Variants in STYX observed in about 807,000 individuals in gnomAD.
The protein encoded by STYX is serine/threonine/tyrosine-interacting protein.
A neutral mutation model predicts 42.7 loss-of-function variants in STYX; 20 were observed. That is an observed-to-expected ratio of 0.47 (90% CI 0.33 to 0.68). The LOEUF (loss-of-function observed/expected upper bound fraction) is 0.68, where lower values mean the gene tolerates loss of function less well. Ranked by LOEUF, STYX falls within the 30% of genes least tolerant of loss-of-function variation. STYX has a pLI of 0.02. For missense variants in STYX, 226 were observed against 268.5 expected, an observed-to-expected ratio of 0.84 and a Z score of 1.11; for synonymous variants, 78 against 81.9, an observed-to-expected ratio of 0.95 and a Z score of 0.26.
chr14:52,765,678 G>A (rs1882275900), intron 9 of STYX, among the ~76,000 whole-genome samples: 1 of 152,300 alleles, frequency 6.6e-6, no homozygotes, highest in East Asian at 1.9e-4. Flanking sequence ...GGATGGGGTG[G>A]CGGGGGAGAT....
chr14:52,771,225 C>A lies in STYX; in HGVS notation c.*119C>A. 1 of 830,504 alleles carries A rather than the reference C, an allele frequency of 1.2e-6. No homozygotes were observed. Among genetic ancestry groups the A allele is most frequent in the South Asian group, 2.1e-5 (1 of 48,192 alleles). The allele number at this position is 830,504 out of a possible 1,614,324, so 51.4% of individuals were successfully genotyped here. On this transcript the variant is annotated 3_prime_UTR_variant, in exon 11 of 11. Coordinates refer to ENST00000354586, the MANE Select transcript of STYX (RefSeq NM_145251.4). ...TTTTTTTTTCAATTACATGTTGCTT[C>A]CAGACATACTTCTCTGCAACTTGTT... is the stretch of plus-strand genomic sequence containing the variant.
intron 8 of STYX, among the ~76,000 whole-genome samples, chr14:52,759,156 T>C (rs1881993820): frequency 6.6e-6 from 1 of 152,184 alleles, no homozygotes; most frequent in Admixed American, 6.5e-5. Context: ...AGGGTCTTCC[T>C]TTGTTTCTCA....
chr14:52,766,604 G>A (rs1043677907), intron 9 of STYX, among the ~76,000 whole-genome samples: 3 of 152,118 alleles, frequency 2.0e-5, no homozygotes, highest in African/African-American at 7.2e-5. Flanking sequence ...CACTATATCC[G>A]GCCAAGATGT....
chr14:52,754,888 AG>A (rs938206563), intron 4 of STYX, among the ~76,000 whole-genome samples: 2 of 152,190 alleles, frequency 1.3e-5, no homozygotes, highest in African/African-American at 4.8e-5. Context: ...TTACAATACT[AG>A]CTTCTTAGAG....
At chr14:52,762,857 C>G (rs1462350232) in intron 9 of STYX, among the ~76,000 whole-genome samples, 1 of 61,008 alleles carries the variant, frequency 1.6e-5, no homozygotes, top group African/African-American at 5.8e-5. Context: ...TTGATTTTTT[C>G]TTTTCTTTCT....
intron 4 of STYX, among the ~76,000 whole-genome samples, chr14:52,753,892 ATTTTTTTTTTTTTT>A (rs56734068): frequency 1.3e-5 from 1 of 77,234 alleles, no homozygotes; most frequent in Non-Finnish European, 2.5e-5. Flanking sequence ...CAAAACACTG[ATTTTTTTTTTTTTT>A]TTTTTTTTTT....
chr14:52,763,620 A>G (rs1208294510), intron 9 of STYX, among the ~76,000 whole-genome samples: 4 of 152,082 alleles, frequency 2.6e-5, no homozygotes, highest in Admixed American at 6.5e-5. Context: ...TTTTTATTGT[A>G]TAGGTGACTG....
chr14:52,740,651 T>A (rs745395486), intron 1 of STYX, among the ~76,000 whole-genome samples: 2 of 152,386 alleles, frequency 1.3e-5, no homozygotes, highest in East Asian at 3.9e-4. Flanking sequence ...GTCCTGCCAC[T>A]ATGAATGAAT....
At chr14:52,733,529 TCAC>T (rs1423657337) in intron 1 of STYX, among the ~76,000 whole-genome samples, 1 of 152,194 alleles carries the variant, frequency 6.6e-6, no homozygotes, top group Non-Finnish European at 1.5e-5. Context: ...TAGTAGGTTG[TCAC>T]CTATACACTC....
Position 52,768,830 on chromosome 14 carries a change from T to G in STYX, c.505-10T>G, listed in dbSNP as rs757479125. The G allele has an allele frequency of 1.3e-6, 2 of 1,552,646 alleles. No individual in the cohort carries two copies. The highest frequency in any genetic ancestry group is 2.1e-5 in the Admixed American group (1 of 48,014). ...ATATAATTAAGTTAATTAACTTATTTTTTTTTTAGGAATATGAAGCCATCT... is the reference window on the plus strand; with the variant it reads ...ATATAATTAAGTTAATTAACTTATTGTTTTTTTAGGAATATGAAGCCATCT... On this transcript the variant is annotated splice_polypyrimidine_tract_variant and intron_variant, in intron 9 of 10. Coordinates refer to ENST00000354586, the MANE Select transcript of STYX (RefSeq NM_145251.4).
At chr14:52,739,557 A>G (rs183222951) in intron 1 of STYX, among the ~76,000 whole-genome samples, 4 of 150,524 alleles carry the variant, frequency 2.7e-5, no homozygotes, top group Admixed American at 2.6e-4. Context: ...CACTGTGCTT[A>G]TCATTAGGGG....
intron 4 of STYX, among the ~76,000 whole-genome samples, chr14:52,751,734 G>T (rs557248891): frequency 6.6e-6 from 1 of 152,074 alleles, no homozygotes; most frequent in African/African-American, 2.4e-5. Context: ...AGTATATTAC[G>T]CATGGTACAA....
rs138450217 is a variant in STYX, at chr14:52,757,459, A to G, written c.340+104A>G. The G allele has an allele frequency of 5.8e-5, 63 of 1,081,748 alleles. No homozygotes were observed. In the African/African-American group the frequency reaches 9.5e-4, roughly 16 times the overall value. 67.0% of individuals were successfully genotyped at this position (1,081,748 alleles called of 1,614,324 possible). On this transcript the variant is annotated intron_variant, in intron 6 of 10. Coordinates refer to ENST00000354586, the MANE Select transcript of STYX (RefSeq NM_145251.4). The stretch of plus-strand genomic sequence containing the variant: ...TGCAGGATATGGAAGTTACAATTAT[A>G]TGTAGTAGCTTACTCCCAAATTTGT...
intron 1 of STYX, among the ~76,000 whole-genome samples, chr14:52,739,034 G>A (rs1365866146): frequency 1.4e-5 from 2 of 146,950 alleles, no homozygotes; most frequent in African/African-American, 5.1e-5. Context: ...TAATGAATCT[G>A]TATACCTTTT....
chr14:52,768,576 G>C (rs1045484336), intron 9 of STYX, among the ~76,000 whole-genome samples: 9 of 152,114 alleles, frequency 5.9e-5, no homozygotes, highest in African/African-American at 2.2e-4. Flanking sequence ...GATGAAGTCA[G>C]AGATCATTAT....
Position 52,768,966 on chromosome 14 carries a change from GAAGA to G in STYX, c.598+38_598+41del, listed in dbSNP as rs1045599813. The G allele has an allele frequency of 3.3e-6, 5 of 1,502,312 alleles. No homozygotes were observed. The African/African-American group carries it at 5.7e-5, about 17-fold the overall frequency. 93.1% of individuals were successfully genotyped at this position (1,502,312 alleles called of 1,614,324 possible). On this transcript the variant is annotated intron_variant, in intron 10 of 10. Transcript: ENST00000354586. ...TTTTTTTCTTTTTGGAGAAATTTGG[GAAGA>G]AAGATAATGAAAGGTGGAGAACTTG...
chr14:52,744,983 G>A (rs2139893998), intron 2 of STYX, 99 bp downstream of exon 2: 5 of 947,898 alleles, frequency 5.3e-6, no homozygotes, highest in Non-Finnish European at 8.0e-6. Context: ...ATGATCTGTA[G>A]GTTCATCATT....
At chr14:52,737,779 TAGAC>T (rs1881013788) in intron 1 of STYX, among the ~76,000 whole-genome samples, 2 of 152,112 alleles carry the variant, frequency 1.3e-5, no homozygotes, top group Non-Finnish European at 2.9e-5. Context: ...GTAAGATCCA[TAGAC>T]AGGCAGGGTT....
chr14:52,746,949 C>T (rs1003472001), intron 3 of STYX, among the ~76,000 whole-genome samples: 1 of 152,176 alleles, frequency 6.6e-6, no homozygotes, highest in Non-Finnish European at 1.5e-5. Context: ...TTGGTATCCC[C>T]GCTCTGAAAT....
Sources: gnomAD v4.1 joint callset for allele counts (sites outside exome capture counted in the v4.1 genomes callset) on GRCh38, gnomAD v4.1.1 for gene constraint, MANE v1.5 for transcripts, NCBI Gene and HGNC (gene_info 2026-07-23, HGNC 2026-07-21) for gene names.